Variants in TM4SF4 observed in about 807,000 individuals in gnomAD.
The protein encoded by TM4SF4 is transmembrane 4 L six family member 4.
TM4SF4 carries 24 observed loss-of-function variants against 24.1 expected under a neutral mutation model. The ratio of observed to expected loss-of-function variants is 1.00; its 90% CI spans 0.72 to 1.40. The LOEUF (loss-of-function observed/expected upper bound fraction) is 1.40, where lower values mean the gene tolerates loss of function less well. Among genes scored for constraint, TM4SF4 ranks in the 40% most tolerant of loss-of-function variants. TM4SF4 has a pLI of 0.00. For synonymous variants in TM4SF4, 113 were observed against 97.0 expected, an observed-to-expected ratio of 1.17 and a Z score of -0.97; for missense variants, 254 against 254.2, an observed-to-expected ratio of 1.00 and a Z score of 0.01.
chr3:149,501,327 C>T (rs1018053562), intron 4 of TM4SF4, among the ~76,000 whole-genome samples: 2 of 151,830 alleles, frequency 1.3e-5, no homozygotes, highest in African/African-American at 4.9e-5. Flanking sequence ...TTTTTCCCTT[C>T]CTTTCTTCCT....
intron 3 of TM4SF4, among the ~76,000 whole-genome samples, chr3:149,491,094 A>G (rs544342315): frequency 7.9e-5 from 12 of 152,192 alleles, no homozygotes; most frequent in African/African-American, 2.9e-4. Context: ...GAGAAAAATG[A>G]AGCTCAAGAA....
At chr3:149,479,453 C>T (rs1460017070) in intron 2 of TM4SF4, among the ~76,000 whole-genome samples, 1 of 151,194 alleles carries the variant, frequency 6.6e-6, no homozygotes, top group African/African-American at 2.4e-5. Context: ...CTCAAGCAAT[C>T]CTCCCCACTC....
intron 2 of TM4SF4, among the ~76,000 whole-genome samples, chr3:149,486,111 A>G (rs1734112257): frequency 1.3e-5 from 2 of 152,298 alleles, no homozygotes; most frequent in South Asian, 2.1e-4. Context: ...ATAGATTCCA[A>G]TCACCCAGGC....
chr3:149,492,661 C>T (rs1172322636), intron 3 of TM4SF4, among the ~76,000 whole-genome samples: 1 of 152,122 alleles, frequency 6.6e-6, no homozygotes, highest in Non-Finnish European at 1.5e-5. Flanking sequence ...CTCTTTACCT[C>T]CTTAGAAAGA....
In TM4SF4 at chr3:149,474,810, T is replaced by C; in HGVS notation, c.-68T>C. On this transcript the variant is annotated 5_prime_UTR_variant, in exon 1 of 5. Coordinates refer to ENST00000305354, the MANE Select transcript of TM4SF4 (RefSeq NM_004617.4). Reference sequence around the variant, plus strand: ...ACAAGGACTCTCTGGCCAAAAACCCTTGAAGAGGCCCCGTGAAGGAGGCAG... The same window carrying C: ...ACAAGGACTCTCTGGCCAAAAACCCCTGAAGAGGCCCCGTGAAGGAGGCAG... The C allele has an allele frequency of 2.0e-6, 3 of 1,513,590 alleles. No homozygotes were observed. The highest frequency in any genetic ancestry group is 2.7e-6 in the Non-Finnish European group (3 of 1,129,872). The allele number at this position is 1,513,590 out of a possible 1,614,324, so 93.8% of individuals were successfully genotyped here.
chr3:149,501,779 A>G (rs796826581), intron 4 of TM4SF4, among the ~76,000 whole-genome samples: 20 of 152,322 alleles, frequency 1.3e-4, no homozygotes, highest in African/African-American at 4.6e-4. Context: ...TAACTTATGG[A>G]GAGAGTGTAA....
intron 3 of TM4SF4, among the ~76,000 whole-genome samples, chr3:149,493,952 A>G (rs1419758729): frequency 6.6e-6 from 1 of 152,208 alleles, no homozygotes; most frequent in East Asian, 1.9e-4. Context: ...CTGAGAAGAG[A>G]GTTCTGTGAA....
chr3:149,486,421 C>A (rs1734117165), intron 2 of TM4SF4, among the ~76,000 whole-genome samples: 1 of 152,168 alleles, frequency 6.6e-6, no homozygotes, highest in African/African-American at 2.4e-5. Context: ...GTCATCAAAG[C>A]AACAGAGGTG....
At chr3:149,475,508 T>C (rs908967068) in intron 1 of TM4SF4, among the ~76,000 whole-genome samples, 1 of 152,224 alleles carries the variant, frequency 6.6e-6, no homozygotes, top group Non-Finnish European at 1.5e-5. Flanking sequence ...GAACCTCCGT[T>C]TGAGAGAGTG....
chr3:149,501,881 C>T (rs9858201), intron 4 of TM4SF4, among the ~76,000 whole-genome samples: 44,836 of 152,112 alleles, frequency 0.29, 8,451 homozygotes, highest in Non-Finnish European at 0.42. Flanking sequence ...TGGGAATGTG[C>T]CTTAAAATAC....
intron 3 of TM4SF4, among the ~76,000 whole-genome samples, chr3:149,491,424 C>A (rs866245511): frequency 1.3e-5 from 2 of 152,096 alleles, no homozygotes; most frequent in East Asian, 3.9e-4. Flanking sequence ...CATAATCATG[C>A]CACTGCATTC....
chr3:149,498,913 T>A lies in TM4SF4; in HGVS notation c.591+2T>A. ...TGCCAGTGTTGTGGCTGCTGTGGGG[T>A]AAGTTCAGGCTTTTGCTGTTTCTTC... On this transcript the variant is annotated splice_donor_variant, in intron 4 of 4. Transcript: ENST00000305354. LOFTEE classifies it high-confidence loss of function. 1 of 1,613,504 alleles carries A rather than the reference T, an allele frequency of 6.2e-7. No individual in the cohort carries two copies. The highest frequency in any genetic ancestry group is 8.5e-7 in the Non-Finnish European group (1 of 1,179,696).
At chr3:149,489,213 G>T (rs1176196701) in intron 3 of TM4SF4, among the ~76,000 whole-genome samples, 1 of 152,180 alleles carries the variant, frequency 6.6e-6, no homozygotes, top group Non-Finnish European at 1.5e-5. Context: ...TCAGATCCCA[G>T]CAGGCTGAGC....
In TM4SF4 at chr3:149,502,897, C is replaced by A. The variant is rs1220731675; in HGVS notation, c.*204C>A. On this transcript the variant is annotated 3_prime_UTR_variant, in exon 5 of 5. Coordinates refer to ENST00000305354, the MANE Select transcript of TM4SF4 (RefSeq NM_004617.4). ...AATAAAAAATAGTTTGGCCACTTAACAAATTTGATTTATAAATCTTTCAAA... is the reference window on the plus strand; with the variant it reads ...AATAAAAAATAGTTTGGCCACTTAAAAAATTTGATTTATAAATCTTTCAAA... The A allele has an allele frequency of 1.0e-5, 5 of 477,086 alleles. No individual in the cohort carries two copies. Among genetic ancestry groups the A allele is most frequent in the Non-Finnish European group, 1.9e-5 (5 of 269,478 alleles). The allele number at this position is 477,086 out of a possible 1,614,324, so 29.6% of individuals were successfully genotyped here. A position where few individuals can be genotyped will look rare whatever the true frequency, so the allele number is the denominator to read the frequency against.
At chr3:149,483,613 T>C (rs1734069928) in intron 2 of TM4SF4, among the ~76,000 whole-genome samples, 1 of 151,076 alleles carries the variant, frequency 6.6e-6, no homozygotes, top group Middle Eastern at 3.2e-3. Context: ...ATAAGGCAAA[T>C]CTGAACATAA....
At chr3:149,481,561 A>C (rs535568636) in intron 2 of TM4SF4, among the ~76,000 whole-genome samples, 1 of 152,286 alleles carries the variant, frequency 6.6e-6, no homozygotes, top group East Asian at 1.9e-4. Context: ...TAAGAAGAAA[A>C]AACACTTCAG....
chr3:149,479,366 C>CTTT (rs62958360), intron 2 of TM4SF4, among the ~76,000 whole-genome samples: 2 of 139,258 alleles, frequency 1.4e-5, no homozygotes, highest in African/African-American at 2.6e-5. Flanking sequence ...CTTTTCTTTT[C>CTTT]TTTTTTTTTT....
chr3:149,474,704 A>T lies in TM4SF4; in HGVS notation c.-174A>T. 1.7e-6 allele frequency: 1 copy of T among 594,720 alleles called. No homozygotes were observed. The highest frequency in any genetic ancestry group is 2.8e-5 in the South Asian group (1 of 36,316). 36.8% of individuals were successfully genotyped at this position (594,720 alleles called of 1,614,324 possible). A position where few individuals can be genotyped will look rare whatever the true frequency, so the allele number is the denominator to read the frequency against. The stretch of plus-strand genomic sequence containing the variant: ...TGCCATCGAGGTTCTGCTATTTTTG[A>T]GAAGCTGAAGCAACTCCAAGGACAC... On this transcript the variant is annotated 5_prime_UTR_variant, in exon 1 of 5. Coordinates refer to ENST00000305354, the MANE Select transcript of TM4SF4 (RefSeq NM_004617.4).
At chr3:149,479,318 T>C (rs760289399) in intron 2 of TM4SF4, among the ~76,000 whole-genome samples, 1 of 152,030 alleles carries the variant, frequency 6.6e-6, no homozygotes, top group African/African-American at 2.4e-5. Context: ...TGTTATGTTC[T>C]AAGGCTTTGG....
Sources: gnomAD v4.1 joint callset for allele counts (sites outside exome capture counted in the v4.1 genomes callset) on GRCh38, gnomAD v4.1.1 for gene constraint, MANE v1.5 for transcripts, NCBI Gene and HGNC (gene_info 2026-07-23, HGNC 2026-07-21) for gene names.